The following TXNDC11 variants were observed in gnomAD, a reference collection of about 807,000 sequenced individuals.
TXNDC11 encodes thioredoxin domain-containing protein 11.
Under a neutral mutation model 78.0 loss-of-function variants are expected in TXNDC11, and 68 were observed. That is an observed-to-expected ratio of 0.87 (90% CI 0.72 to 1.07). TXNDC11 has a LOEUF of 1.07. TXNDC11 is among the 50% of genes least tolerant of loss of function. TXNDC11 has a pLI of 0.00. For synonymous variants in TXNDC11, 571 were observed against 495.2 expected (o/e 1.15, Z -2.03); for missense variants, 1,389 against 1,221.8 (o/e 1.14, Z -2.04).
intron 4 of TXNDC11, among the ~76,000 whole-genome samples, chr16:11,724,170 C>G (rs1204795976): frequency 6.6e-6 from 1 of 152,064 alleles, no homozygotes; most frequent in African/African-American, 2.4e-5. Context: ...GTAGTTGCAG[C>G]TACTTGGGAG....
At position 11,698,253 on chromosome 16, in the gene TXNDC11, GC is replaced by G; in HGVS notation, c.978del (p.Leu327SerfsTer15). 2 of 1,614,264 alleles carry G rather than the reference GC, an allele frequency of 1.2e-6. No homozygotes were observed. The highest frequency in any genetic ancestry group is 1.7e-6 in the Non-Finnish European group (2 of 1,180,054). ...CCGTGTGGCCGCAGCCACCGAAAGA[GC>G]GTCTCCTGGTTTTCTAAGGCCCACT... is the stretch of plus-strand genomic sequence containing the variant. ...ICKWALENQETLFRWLRPHGG... is the reference protein window; with the variant it reads ...ICKWALENQEXLFRWLRPHGG... On this transcript the variant is annotated frameshift_variant, in exon 7 of 12. Transcript: ENST00000283033. LOFTEE classifies it high-confidence loss of function.
intron 4 of TXNDC11, among the ~76,000 whole-genome samples, chr16:11,724,907 G>T (rs561797735): frequency 3.9e-5 from 6 of 151,996 alleles, no homozygotes; most frequent in Admixed American, 2.6e-4. Context: ...CACCACATCC[G>T]GCTAATTTTT....
intron 1 of TXNDC11, among the ~76,000 whole-genome samples, chr16:11,741,002 T>A (rs2052374120): frequency 8.6e-6 from 1 of 116,168 alleles, no homozygotes; most frequent in Non-Finnish European, 2.0e-5. Flanking sequence ...GCTACTGGTA[T>A]CTAGTGGGTA....
intron 3 of TXNDC11, 77 bp downstream of exon 3, chr16:11,733,905 T>C (rs1454183884): frequency 2.7e-5 from 27 of 1,004,714 alleles, no homozygotes; most frequent in South Asian, 1.4e-5. Flanking sequence ...AATACTTTAA[T>C]ATAGAAAAAA....
At chr16:11,699,034 C>G (rs1328600254) in intron 6 of TXNDC11, among the ~76,000 whole-genome samples, 1 of 152,176 alleles carries the variant, frequency 6.6e-6, no homozygotes, top group Non-Finnish European at 1.5e-5. Context: ...AAATCACTGG[C>G]TTCAAACAGA....
At chr16:11,686,952 T>C (rs1047677901) in intron 10 of TXNDC11, among the ~76,000 whole-genome samples, 3 of 152,218 alleles carry the variant, frequency 2.0e-5, no homozygotes, top group African/African-American at 7.2e-5. Context: ...GTGCCTTCAC[T>C]AAGCGTCGCA....
At chr16:11,717,385 A>T (rs1430969974) in intron 5 of TXNDC11, among the ~76,000 whole-genome samples, 1 of 139,588 alleles carries the variant, frequency 7.2e-6, no homozygotes, top group Non-Finnish European at 1.5e-5. Context: ...CAGTGAGCTG[A>T]GATCATGCCA....
At position 11,730,632 on chromosome 16, in the gene TXNDC11, G is replaced by T; in HGVS notation, c.699+13C>A. 1 of 1,613,012 alleles carries T rather than the reference G, an allele frequency of 6.2e-7. No individual in the cohort carries two copies. The highest frequency in any genetic ancestry group is 1.3e-5 in the African/African-American group (1 of 74,980). ...GCCTTGAGTATGGAGGAGGAGATAT[G>T]AAAGACAAGTACCTCGTAGTTTGAG... On this transcript the variant is annotated intron_variant, in intron 4 of 11. Transcript: ENST00000283033.
intron 5 of TXNDC11, among the ~76,000 whole-genome samples, chr16:11,713,248 C>T (rs1032758903): frequency 6.7e-6 from 1 of 148,786 alleles, no homozygotes; most frequent in African/African-American, 2.5e-5. Flanking sequence ...TGATTGTGCA[C>T]TCCAGCCTGG....
intron 6 of TXNDC11, among the ~76,000 whole-genome samples, chr16:11,698,762 C>CG (rs2050927990): frequency 6.6e-6 from 1 of 152,184 alleles, no homozygotes; most frequent in African/African-American, 2.4e-5. Flanking sequence ...ATGCTGCCCC[C>CG]AAGGGCAGCA....
At chr16:11,717,703 C>T (rs1459713585) in intron 5 of TXNDC11, among the ~76,000 whole-genome samples, 5 of 150,324 alleles carry the variant, frequency 3.3e-5, no homozygotes, top group Non-Finnish European at 5.9e-5. Context: ...CGCCTGTAAT[C>T]CCAGCTACTC....
In TXNDC11 at chr16:11,708,110, T is replaced by G. The variant is rs79748735; in HGVS notation, c.794-7546A>C. ...AAAAACAAACTTAAAAAAAGAAAAT[T>G]TTAAATTAGCTATGTGGTTCATATT... On this transcript the variant is annotated intron_variant, in intron 5 of 11. Coordinates refer to ENST00000283033, the MANE Select transcript of TXNDC11 (RefSeq NM_015914.7). Among the ~76,000 whole-genome samples the G allele has an allele frequency of 2.0e-3, 310 of 152,146 alleles. 3 individuals are homozygous for G. Among genetic ancestry groups the G allele is most frequent in the African/African-American group, 7.0e-3 (289 of 41,514 alleles).
chr16:11,687,758 A>AT, intron 10 of TXNDC11, 99 bp downstream of exon 10: 1 of 805,802 alleles, frequency 1.2e-6, no homozygotes, highest in East Asian at 2.8e-5. Context: ...CCAAAGGTTA[A>AT]TGGAAAATGG....
At chr16:11,716,759 A>G (rs1184968325) in intron 5 of TXNDC11, among the ~76,000 whole-genome samples, 6 of 152,230 alleles carry the variant, frequency 3.9e-5, no homozygotes, top group Admixed American at 1.3e-4. Context: ...ACGGATGGAC[A>G]TAAAAGAATA....
At chr16:11,737,851 C>CAA (rs538318388) in intron 1 of TXNDC11, among the ~76,000 whole-genome samples, 4,909 of 52,942 alleles carry the variant, frequency 0.093, 196 homozygotes, top group South Asian at 0.18. Flanking sequence ...CTACGTCTCT[C>CAA]AAAAAAAAAA....
chr16:11,712,978 G>A (rs1383800958), intron 5 of TXNDC11, among the ~76,000 whole-genome samples: 1 of 148,038 alleles, frequency 6.8e-6, no homozygotes, highest in East Asian at 2.0e-4. Flanking sequence ...TGGGCATGGT[G>A]GTGCATGCCT....
chr16:11,684,371 T>A lies in TXNDC11; in HGVS notation c.2154-126A>T, dbSNP rs188502108. ...CACCCCACATTGGGCTAGTCCCTTCTCGATGAATGTACTACCAGGTGTGAG... is the reference window on the plus strand; with the variant it reads ...CACCCCACATTGGGCTAGTCCCTTCACGATGAATGTACTACCAGGTGTGAG... On this transcript the variant is annotated intron_variant, in intron 10 of 11. Coordinates refer to ENST00000283033, the MANE Select transcript of TXNDC11 (RefSeq NM_015914.7). 3.5e-3 allele frequency: 2,267 copies of A among 639,058 alleles called. 15 individuals carry two copies. The highest frequency in any genetic ancestry group is 8.2e-3 in the Middle Eastern group (27 of 3,310). The allele number at this position is 639,058 out of a possible 1,614,324, so 39.6% of individuals were successfully genotyped here. A position where few individuals can be genotyped will look rare whatever the true frequency, so the allele number is the denominator to read the frequency against.
Position 11,730,692 on chromosome 16 carries a change from AG to A in TXNDC11, c.651del (p.Tyr218ThrfsTer9). 6.2e-7 allele frequency: 1 copy of A among 1,613,886 alleles called. No individual in the cohort carries two copies. On this transcript the variant is annotated frameshift_variant, in exon 4 of 12. Transcript: ENST00000283033. LOFTEE classifies it high-confidence loss of function. ...AGTAATTCTGATTGAGATGGGATGT[AG>A]AGAAGTGGTTTCATCACCCGGCGGA... Reference protein sequence around the residue: ...KFVRRVMKPLLYIPSQSELLD... With the variant: ...KFVRRVMKPLXYIPSQSELLD...
At chr16:11,680,022 C>T (rs917115257) in intron 11 of TXNDC11, among the ~76,000 whole-genome samples, 185 bp from the exon 12 acceptor site, 1 of 152,248 alleles carries the variant, frequency 6.6e-6, no homozygotes, top group Non-Finnish European at 1.5e-5. Flanking sequence ...GAGGCTGTCC[C>T]ATATGCTCGT....
Sources: gnomAD v4.1 joint callset for allele counts (sites outside exome capture counted in the v4.1 genomes callset) on GRCh38, gnomAD v4.1.1 for gene constraint, MANE v1.5 for transcripts, NCBI Gene and HGNC (gene_info 2026-07-23, HGNC 2026-07-21) for gene names.